The following NCAPD3 variants were observed in gnomAD, a reference collection of about 807,000 sequenced individuals.
NCAPD3 encodes the protein non-SMC condensin II complex subunit D3, also known as condensin-2 complex subunit D3.
Under a neutral mutation model 182.9 loss-of-function variants are expected in NCAPD3, and 105 were observed. The ratio of observed to expected loss-of-function variants is 0.57; its 90% CI spans 0.49 to 0.68. The LOEUF (loss-of-function observed/expected upper bound fraction) is 0.68. NCAPD3 is among the 30% of genes least tolerant of loss of function. The pLI, the probability that NCAPD3 is intolerant of heterozygous loss-of-function variation, is 0.00. For missense variants in NCAPD3, 1,944 were observed against 1,837.0 expected (o/e 1.06, Z -1.07); for synonymous variants, 815 against 679.9 (o/e 1.20, Z -3.09).
At chr11:134,178,977 G>C (rs1466337390) in intron 20 of NCAPD3, 41 bp from the exon 21 acceptor site, 2 of 1,373,756 alleles carry the variant, frequency 1.5e-6, no homozygotes, top group South Asian at 1.2e-5. Context: ...TAAGGCAAAA[G>C]AAAAGTGAAC....
chr11:134,201,224 A>G (rs953953479), intron 13 of NCAPD3, among the ~76,000 whole-genome samples: 1 of 151,906 alleles, frequency 6.6e-6, no homozygotes, highest in Non-Finnish European at 1.5e-5. Context: ...GGGTTTCACC[A>G]TGTTGGCCAG....
At chr11:134,216,611 C>A (rs959878042) in intron 3 of NCAPD3, among the ~76,000 whole-genome samples, 1 of 152,072 alleles carries the variant, frequency 6.6e-6, no homozygotes, top group African/African-American at 2.4e-5. Flanking sequence ...TCAGTCTAGA[C>A]AAGGAATCAT....
At chr11:134,196,645 C>CAAAAAAAAAAAAAAAAAAAAAAAAAAAA in intron 13 of NCAPD3, among the ~76,000 whole-genome samples, 1 of 57,886 alleles carries the variant, frequency 1.7e-5, no homozygotes, top group Non-Finnish European at 3.4e-5. Flanking sequence ...AACTCCATCT[C>CAAAAAAAAAAAAAAAAAAAAAAAAAAAA]AAAAAAAAAA....
Position 134,168,451 on chromosome 11 carries a change from C to T in NCAPD3, c.3373+18G>A. On this transcript the variant is annotated intron_variant, in intron 26 of 34. Coordinates refer to ENST00000534548, the MANE Select transcript of NCAPD3 (RefSeq NM_015261.3). ...ATTTGCAAACACACACATTTTCTCCCACACACACTGGGCTTACCCAAAATA... is the reference window on the plus strand; with the variant it reads ...ATTTGCAAACACACACATTTTCTCCTACACACACTGGGCTTACCCAAAATA... 1 of 1,613,752 alleles carries T rather than the reference C, an allele frequency of 6.2e-7. No homozygotes were observed. The highest frequency in any genetic ancestry group is 2.2e-5 in the East Asian group (1 of 44,886).
At position 134,204,291 on chromosome 11, in the gene NCAPD3, C is replaced by T. The variant is rs75966954; in HGVS notation, c.1090-120G>A. Reference sequence around the variant, plus strand: ...CTAGTTCAATGACCTTTAAATGTTACGTAAATGACTAATAAATTTTAGGTT... The same window carrying T: ...CTAGTTCAATGACCTTTAAATGTTATGTAAATGACTAATAAATTTTAGGTT... On this transcript the variant is annotated intron_variant, in intron 9 of 34. Coordinates refer to ENST00000534548, the MANE Select transcript of NCAPD3 (RefSeq NM_015261.3). The surrounding 1 kb of genome is among the most constrained non-coding windows in gnomAD (Gnocchi z 4.3). 6,568 of 1,071,278 alleles carry T rather than the reference C, an allele frequency of 6.1e-3. 291 individuals are homozygous for T. The African/African-American group carries it at 0.094, about 15-fold the overall frequency. The allele number at this position is 1,071,278 out of a possible 1,614,324, so 66.4% of individuals were successfully genotyped here.
intron 25 of NCAPD3, 96 bp downstream of exon 25, chr11:134,168,821 C>G: frequency 6.8e-7 from 1 of 1,480,486 alleles, no homozygotes; most frequent in Non-Finnish European, 9.1e-7. Flanking sequence ...GGGGCAGGGT[C>G]TGCGTCCAAT....
At chr11:134,161,129 G>C (rs746647835) in intron 28 of NCAPD3, among the ~76,000 whole-genome samples, 1 of 152,034 alleles carries the variant, frequency 6.6e-6, no homozygotes, top group Non-Finnish European at 1.5e-5. Flanking sequence ...AAAAATTGTA[G>C]CATTTTTTTG....
rs201115185 is a variant in NCAPD3, at chr11:134,194,058, A to G, written c.1782T>C (p.Ser594=). Residue 594 remains serine (S), a synonymous_variant, in exon 15 of 35, where the codon TCT becomes TCC. Coordinates refer to ENST00000534548, the MANE Select transcript of NCAPD3 (RefSeq NM_015261.3). ...LQDQCRDPAV[S]VRKQALQSLT... Reference sequence around the variant, plus strand: ...GAGACTGGAGGGCCTGCTTCCGGACAGACACTGCAGGGTCCCGACACTGGT... The same window carrying G: ...GAGACTGGAGGGCCTGCTTCCGGACGGACACTGCAGGGTCCCGACACTGGT... 1.2e-5 allele frequency: 19 copies of G among 1,614,174 alleles called. No individual in the cohort carries two copies. The East Asian group carries it at 4.2e-4, about 36-fold the overall frequency.
chr11:134,161,920 G>A (rs751734718), intron 27 of NCAPD3, 29 bp from the exon 28 acceptor site: 1 of 1,244,752 alleles, frequency 8.0e-7, no homozygotes, highest in South Asian at 1.3e-5. Context: ...ACATGTTTTA[G>A]ATGTATGAAC....
chr11:134,216,293 G>C (rs947008258), intron 3 of NCAPD3, among the ~76,000 whole-genome samples: 3 of 152,196 alleles, frequency 2.0e-5, no homozygotes, highest in African/African-American at 7.2e-5. Context: ...TAAGCAGCAA[G>C]GTGACTGATC....
At chr11:134,200,282 T>C (rs932297933) in intron 13 of NCAPD3, among the ~76,000 whole-genome samples, 3 of 152,166 alleles carry the variant, frequency 2.0e-5, no homozygotes, top group South Asian at 2.1e-4. Context: ...TTGTGCCTCA[T>C]AGAATACCAT....
At chr11:134,201,992 C>T (rs139385037) in intron 13 of NCAPD3, among the ~76,000 whole-genome samples, 5 of 152,246 alleles carry the variant, frequency 3.3e-5, no homozygotes, top group East Asian at 3.9e-4. Context: ...CTCAGTGTTC[C>T]GCATACATGT....
intron 28 of NCAPD3, among the ~76,000 whole-genome samples, chr11:134,161,471 C>G (rs990195246): frequency 2.0e-5 from 3 of 152,266 alleles, no homozygotes; most frequent in African/African-American, 7.2e-5. Flanking sequence ...GCAGCATGAA[C>G]GAAGATGACT....
At chr11:134,212,336 C>T (rs889552321) in intron 3 of NCAPD3, among the ~76,000 whole-genome samples, 1 of 151,168 alleles carries the variant, frequency 6.6e-6, no homozygotes, top group Non-Finnish European at 1.5e-5. Flanking sequence ...AAATAACACA[C>T]AAGAGGAGAG....
intron 32 of NCAPD3, among the ~76,000 whole-genome samples, chr11:134,155,438 C>G (rs1302972672): frequency 6.6e-6 from 1 of 152,152 alleles, no homozygotes; most frequent in African/African-American, 2.4e-5. Flanking sequence ...GAGAGACGGA[C>G]AGAGACTGCA....
intron 24 of NCAPD3, among the ~76,000 whole-genome samples, chr11:134,175,181 TA>T (rs1387826817): frequency 6.6e-6 from 1 of 152,164 alleles, no homozygotes; most frequent in Non-Finnish European, 1.5e-5. Flanking sequence ...CATACACATA[TA>T]GGGGCTAACA....
rs550112841 is a variant in NCAPD3 at position 134,155,919 on chromosome 11, C to T, written c.4252+1099G>A. ...GACCTGGATGAAAATTACCTCTAAC[C>T]TGTTAACTATTCTAAGAGATCACAG... On this transcript the variant is annotated intron_variant, in intron 32 of 34. Coordinates refer to ENST00000534548, the MANE Select transcript of NCAPD3 (RefSeq NM_015261.3). Among the ~76,000 whole-genome samples, 60 of 152,294 alleles carry T rather than the reference C, an allele frequency of 3.9e-4. No homozygotes were observed. In the East Asian group the frequency reaches 0.011, roughly 29 times the overall value.
At chr11:134,175,297 C>A (rs910742117) in intron 24 of NCAPD3, among the ~76,000 whole-genome samples, 1 of 152,194 alleles carries the variant, frequency 6.6e-6, no homozygotes, top group African/African-American at 2.4e-5. Context: ...TTCTCCTGGG[C>A]CACGTACTGC....
chr11:134,152,882 G>A lies in NCAPD3; in HGVS notation c.*62C>T. ...GAAGTGATCCAGCTGCCTTCACACG[G>A]AGGACACGAGACTGCTTCCTCAAGG... On this transcript the variant is annotated 3_prime_UTR_variant, in exon 35 of 35. Coordinates refer to ENST00000534548, the MANE Select transcript of NCAPD3 (RefSeq NM_015261.3). The A allele has an allele frequency of 7.6e-7, 1 of 1,317,290 alleles. No homozygotes were observed. The highest frequency in any genetic ancestry group is 1.0e-6 in the Non-Finnish European group (1 of 954,870). The allele number at this position is 1,317,290 out of a possible 1,614,324, so 81.6% of individuals were successfully genotyped here.
Sources: allele counts gnomAD v4.1 joint callset (sites outside exome capture counted in the v4.1 genomes callset), GRCh38; gene constraint gnomAD v4.1.1; non-coding constraint Gnocchi (gnomAD v3.1); transcripts MANE v1.5; gene names NCBI Gene and HGNC (gene_info 2026-07-23, HGNC 2026-07-21).